Variants in KLHL2 observed in about 807,000 individuals in gnomAD.
KLHL2 encodes kelch-like protein 2.
In KLHL2, 15 loss-of-function variants were observed where a neutral mutation model predicts 75.8. That is an observed-to-expected ratio of 0.20 (90% CI 0.13 to 0.30). The LOEUF (loss-of-function observed/expected upper bound fraction) is 0.30, where lower values mean the gene tolerates loss of function less well. Among genes scored for constraint, KLHL2 ranks in the 10% least tolerant of loss-of-function variants. The pLI, the probability that KLHL2 is intolerant of heterozygous loss-of-function variation, is 1.00. For synonymous variants in KLHL2, 214 were observed against 251.9 expected (o/e 0.85, Z 1.42); for missense variants, 381 against 741.0 (o/e 0.51, Z 5.64).
intron 11 of KLHL2, among the ~76,000 whole-genome samples, 173 bp from the exon 12 acceptor site, chr4:165,313,065 T>C (rs1384523494): frequency 1.3e-5 from 2 of 152,182 alleles, no homozygotes; most frequent in Non-Finnish European, 2.9e-5. Flanking sequence ...GATTACCCCA[T>C]CTGTCACCAT....
At chr4:165,229,828 G>C (rs1278937142) in intron 3 of KLHL2, among the ~76,000 whole-genome samples, 1 of 152,270 alleles carries the variant, frequency 6.6e-6, no homozygotes, top group African/African-American at 2.4e-5. Context: ...GATGGATTGA[G>C]GGGTTTACAC....
intron 3 of KLHL2, among the ~76,000 whole-genome samples, chr4:165,238,363 T>C (rs776155639): frequency 1.1e-4 from 16 of 152,166 alleles, no homozygotes; most frequent in Non-Finnish European, 2.4e-4. Context: ...GGAGTAATGC[T>C]AACCAGGTGG....
chr4:165,214,310 A>G (rs1449659626), intron 1 of KLHL2, among the ~76,000 whole-genome samples: 2 of 152,160 alleles, frequency 1.3e-5, no homozygotes, highest in African/African-American at 4.8e-5. Flanking sequence ...CCTTTTCCCT[A>G]TTTTAGCACC....
rs1402589032 is a variant in KLHL2 at position 165,313,849 on chromosome 4, T to C, written c.1469-177T>C. Among the ~76,000 whole-genome samples the C allele has an allele frequency of 6.6e-5, 10 of 152,336 alleles. No homozygotes were observed. In the South Asian group the frequency reaches 1.2e-3, roughly 19 times the overall value. ...CAGAATAATAGTTTGTTGAGATGCTTATTTAATCATCAATTGTATTGATTT... is the reference window on the plus strand; with the variant it reads ...CAGAATAATAGTTTGTTGAGATGCTCATTTAATCATCAATTGTATTGATTT... On this transcript the variant is annotated intron_variant, in intron 12 of 14. Coordinates refer to ENST00000226725, the MANE Select transcript of KLHL2 (RefSeq NM_007246.4).
At chr4:165,298,341 T>A (rs542222311) in intron 7 of KLHL2, among the ~76,000 whole-genome samples, 1 of 152,324 alleles carries the variant, frequency 6.6e-6, no homozygotes, top group African/African-American at 2.4e-5. Flanking sequence ...CTGACCCAAA[T>A]ACCGTTTAAT....
At chr4:165,261,312 C>T (rs1045295322) in intron 4 of KLHL2, among the ~76,000 whole-genome samples, 5 of 152,082 alleles carry the variant, frequency 3.3e-5, no homozygotes, top group African/African-American at 9.7e-5. Flanking sequence ...AAAAGTTTGG[C>T]TGTAACGTTA....
At chr4:165,313,896 A>T (rs1041183290) in intron 12 of KLHL2, 130 bp from the exon 13 acceptor site, 1 of 783,222 alleles carries the variant, frequency 1.3e-6, no homozygotes, top group Non-Finnish European at 2.0e-6. Flanking sequence ...ATTGTAGGCT[A>T]TAGTATCAGC....
At chr4:165,219,012 C>G (rs199671925) in intron 1 of KLHL2, among the ~76,000 whole-genome samples, 1 of 125,492 alleles carries the variant, frequency 8.0e-6, no homozygotes, top group Non-Finnish European at 1.8e-5. Flanking sequence ...AGTTTTATAA[C>G]CATTGCTTCA....
Position 165,322,212 on chromosome 4 carries a change from C to A in KLHL2, c.*152C>A. ...CGTCTGCCTTTATAGGCCTCAGATA[C>A]TGAAGATTATTTTTGGTAGAAGCAC... On this transcript the variant is annotated 3_prime_UTR_variant, in exon 15 of 15. Coordinates refer to ENST00000226725, the MANE Select transcript of KLHL2 (RefSeq NM_007246.4). 1 of 697,946 alleles carries A rather than the reference C, an allele frequency of 1.4e-6. No homozygotes were observed. Among genetic ancestry groups the A allele is most frequent in the Non-Finnish European group, 2.5e-6 (1 of 407,038 alleles). The allele number at this position is 697,946 out of a possible 1,614,324, so 43.2% of individuals were successfully genotyped here. A position where few individuals can be genotyped will look rare whatever the true frequency, so the allele number is the denominator to read the frequency against.
intron 4 of KLHL2, chr4:165,252,796 G>A (rs1220323097): frequency 1.3e-5 from 2 of 152,140 alleles, no homozygotes; most frequent in Non-Finnish European, 2.9e-5. Context: ...GATTCTATCA[G>A]GTAGGATTAT....
At chr4:165,311,670 A>C (rs1746195665) in intron 11 of KLHL2, 105 bp downstream of exon 11, 1 of 757,392 alleles carries the variant, frequency 1.3e-6, no homozygotes, top group Non-Finnish European at 2.2e-6. Flanking sequence ...GCTAATTATC[A>C]TTTTAAAAAG....
At chr4:165,263,870 A>G (rs1428256098) in intron 5 of KLHL2, among the ~76,000 whole-genome samples, 1 of 147,706 alleles carries the variant, frequency 6.8e-6, no homozygotes, top group African/African-American at 2.5e-5. Context: ...AAAATCTTCA[A>G]AGCAGTGAAA....
intron 1 of KLHL2, among the ~76,000 whole-genome samples, chr4:165,213,454 T>C (rs537156322): frequency 6.6e-6 from 1 of 152,240 alleles, no homozygotes; most frequent in Non-Finnish European, 1.5e-5. Context: ...CCTTTTCCTA[T>C]GCTTCTCTTC....
At chr4:165,238,152 G>C (rs1739509593) in intron 3 of KLHL2, among the ~76,000 whole-genome samples, 1 of 152,228 alleles carries the variant, frequency 6.6e-6, no homozygotes, top group Non-Finnish European at 1.5e-5. Flanking sequence ...TGAGCTAGAA[G>C]ATCTCTGTAA....
At chr4:165,304,155 A>G (rs1371683707) in intron 8 of KLHL2, among the ~76,000 whole-genome samples, 1 of 152,200 alleles carries the variant, frequency 6.6e-6, no homozygotes, top group Non-Finnish European at 1.5e-5. Flanking sequence ...TGCTGGGATT[A>G]CAGACGTGAG....
intron 1 of KLHL2, among the ~76,000 whole-genome samples, chr4:165,218,922 G>T (rs1331273136): frequency 6.6e-6 from 1 of 152,040 alleles, no homozygotes; most frequent in Non-Finnish European, 1.5e-5. Context: ...TTATGTAATA[G>T]CTTTATTGAG....
chr4:165,264,765 T>TATATATATAA lies in KLHL2; in HGVS notation c.544+1407_544+1408insTATATATAAA, dbSNP rs1477707346. Reference sequence around the variant, plus strand: ...GTATATATATATATATATATATATATAAAACATTATCCACTCATTGGCTGA... The same window carrying TATATATATAA: ...GTATATATATATATATATATATATATATATATATAAAAAACATTATCCACTCATTGGCTGA... On this transcript the variant is annotated intron_variant, in intron 5 of 14. Transcript: ENST00000226725. 1.0e-3 allele frequency among the ~76,000 whole-genome samples: 94 copies of TATATATATAA among 94,082 alleles called. 1 individual carries two copies. Among genetic ancestry groups the TATATATATAA allele is most frequent in the Non-Finnish European group, 1.5e-3 (76 of 50,284 alleles). The allele number at this position is 94,082 out of a possible 152,430, so 61.7% of individuals were successfully genotyped here.
At chr4:165,285,975 G>A (rs1447285591) in intron 5 of KLHL2, among the ~76,000 whole-genome samples, 2 of 152,172 alleles carry the variant, frequency 1.3e-5, no homozygotes, top group Non-Finnish European at 2.9e-5. Context: ...GTGAAGTGCA[G>A]TATCAATTTA....
intron 5 of KLHL2, among the ~76,000 whole-genome samples, chr4:165,268,632 T>C (rs1742438752): frequency 6.6e-6 from 1 of 152,224 alleles, no homozygotes; most frequent in Non-Finnish European, 1.5e-5. Flanking sequence ...TTTGAGTGAA[T>C]TTCTTAATCC....
Sources: allele counts gnomAD v4.1 joint callset (sites outside exome capture counted in the v4.1 genomes callset), GRCh38; gene constraint gnomAD v4.1.1; transcripts MANE v1.5; gene names NCBI Gene and HGNC (gene_info 2026-07-23, HGNC 2026-07-21).